Variants in MICU3 observed in about 807,000 individuals in gnomAD.
MICU3 encodes the protein calcium uptake protein 3, mitochondrial.
MICU3 carries 62 observed loss-of-function variants against 66.5 expected under a neutral mutation model. The ratio of observed to expected loss-of-function variants is 0.93; its 90% CI spans 0.76 to 1.15. The LOEUF (loss-of-function observed/expected upper bound fraction) is 1.15, where lower values mean the gene tolerates loss of function less well. Among genes scored for constraint, MICU3 ranks in the 50% most tolerant of loss-of-function variants. MICU3 has a pLI of 0.00. For synonymous variants in MICU3, 308 were observed against 240.7 expected (o/e 1.28, Z -2.59); for missense variants, 779 against 664.4 (o/e 1.17, Z -1.90).
intron 1 of MICU3, among the ~76,000 whole-genome samples, chr8:17,029,023 C>T (rs1201492830): frequency 1.3e-5 from 2 of 152,304 alleles, no homozygotes; most frequent in Middle Eastern, 3.4e-3. Context: ...TTTGGCTCCA[C>T]GACTTGCTAC....
chr8:17,094,751 G>C (rs927417344), intron 8 of MICU3, among the ~76,000 whole-genome samples: 13 of 151,958 alleles, frequency 8.6e-5, no homozygotes, highest in African/African-American at 2.9e-4. Context: ...GGCTAGTTCA[G>C]CTTGCAACAC....
chr8:17,058,657 T>C (rs1435961264), intron 1 of MICU3, among the ~76,000 whole-genome samples: 1 of 152,224 alleles, frequency 6.6e-6, no homozygotes, highest in Non-Finnish European at 1.5e-5. Flanking sequence ...CTTTTGACAC[T>C]TTGATGGTCT....
chr8:17,056,196 A>G (rs536600982), intron 1 of MICU3, among the ~76,000 whole-genome samples: 1 of 152,278 alleles, frequency 6.6e-6, no homozygotes, highest in South Asian at 2.1e-4. Context: ...TTCCCCAGGG[A>G]CTACATTTCT....
At chr8:17,072,784 C>T (rs1297398623) in intron 3 of MICU3, among the ~76,000 whole-genome samples, 1 of 152,146 alleles carries the variant, frequency 6.6e-6, no homozygotes, top group Admixed American at 6.5e-5. Flanking sequence ...TGATACGATA[C>T]TATTTGACAC....
the MICU3 span, among the ~76,000 whole-genome samples, chr8:17,128,916 A>C: frequency 6.6e-6 from 1 of 152,224 alleles, no homozygotes; most frequent in African/African-American, 2.4e-5. Flanking sequence ...CTGACTGAAT[A>C]CTAAGCTGTA....
chr8:17,123,011 C>T (rs762613201), downstream of MICU3, among the ~76,000 whole-genome samples: 32 of 151,918 alleles, frequency 2.1e-4, no homozygotes, highest in Non-Finnish European at 3.4e-4. Context: ...CTACTTATAG[C>T]CATATAGTAA....
the MICU3 span, among the ~76,000 whole-genome samples, chr8:17,136,642 C>A: frequency 6.6e-6 from 1 of 152,038 alleles, no homozygotes; most frequent in South Asian, 2.1e-4. Context: ...CCCTCCCCAC[C>A]CTGTCCAGCT....
chr8:17,028,698 ACTAT>A (rs1563255372), intron 1 of MICU3, among the ~76,000 whole-genome samples: 1 of 152,110 alleles, frequency 6.6e-6, no homozygotes, highest in East Asian at 1.9e-4. Flanking sequence ...TGCTTTATGG[ACTAT>A]CTAGCAGCAG....
chr8:17,040,033 G>A (rs564798351), intron 1 of MICU3, among the ~76,000 whole-genome samples: 5,862 of 148,268 alleles, frequency 0.04, 170 homozygotes, highest in Non-Finnish European at 0.059. Context: ...TTAGCCTCCT[G>A]AGTAGCTGGG....
rs148356873 is a variant in MICU3 at position 17,083,844 on chromosome 8, T to C, written c.695-1392T>C. Among the ~76,000 whole-genome samples the C allele has an allele frequency of 6.7e-3, 1,025 of 152,096 alleles. 4 individuals carry two copies. Among genetic ancestry groups the C allele is most frequent in the Non-Finnish European group, 0.01 (698 of 67,966 alleles). On this transcript the variant is annotated intron_variant, in intron 5 of 14. Transcript: ENST00000318063. ...TTTGACAAAACAATGATGGATCCGA[T>C]ATTAGAAGTTAAGCTAAGTACCTAA...
At chr8:17,106,683 T>G (rs1376852043) in intron 11 of MICU3, among the ~76,000 whole-genome samples, 2 of 152,102 alleles carry the variant, frequency 1.3e-5, no homozygotes, top group Non-Finnish European at 2.9e-5. Context: ...AATGATTACT[T>G]GTAGAAATGG....
At chr8:17,047,964 T>C (rs927590815) in intron 1 of MICU3, among the ~76,000 whole-genome samples, 15 of 152,176 alleles carry the variant, frequency 9.9e-5, no homozygotes, top group Non-Finnish European at 2.1e-4. Flanking sequence ...GAAGTTACAA[T>C]GAAGTGGATT....
intron 9 of MICU3, among the ~76,000 whole-genome samples, chr8:17,099,236 G>T (rs993798094): frequency 4.0e-5 from 6 of 151,662 alleles, no homozygotes; most frequent in African/African-American, 1.5e-4. Context: ...TTCTTATTAA[G>T]AATTTTTCCT....
At chr8:17,072,949 G>A (rs751679225) in intron 3 of MICU3, among the ~76,000 whole-genome samples, 3 of 151,530 alleles carry the variant, frequency 2.0e-5, no homozygotes, top group Non-Finnish European at 4.4e-5. Flanking sequence ...TGCAGTGAGT[G>A]GCACGATCTT....
At chr8:17,071,232 A>G (rs1473736444) in intron 3 of MICU3, among the ~76,000 whole-genome samples, 1 of 152,160 alleles carries the variant, frequency 6.6e-6, no homozygotes, top group African/African-American at 2.4e-5. Context: ...CTATGACAAA[A>G]TATCACAGAT....
intron 3 of MICU3, among the ~76,000 whole-genome samples, chr8:17,073,024 G>T (rs2150684872): frequency 6.6e-6 from 1 of 152,000 alleles, no homozygotes; most frequent in East Asian, 1.9e-4. Context: ...CTGAGTAGCT[G>T]GGACCACAGG....
At chr8:17,041,220 C>T (rs748189033) in intron 1 of MICU3, among the ~76,000 whole-genome samples, 6 of 150,334 alleles carry the variant, frequency 4.0e-5, no homozygotes, top group East Asian at 1.9e-4. Flanking sequence ...CTTAAAGGAC[C>T]GGCAGAGAAA....
At chr8:17,048,163 A>G (rs1232735979) in intron 1 of MICU3, among the ~76,000 whole-genome samples, 1 of 152,226 alleles carries the variant, frequency 6.6e-6, no homozygotes, top group Non-Finnish European at 1.5e-5. Flanking sequence ...GATAAAAAGC[A>G]AAACCTAGAA....
chr8:17,124,956 G>T (rs2041455590), downstream of MICU3, among the ~76,000 whole-genome samples: 1 of 151,858 alleles, frequency 6.6e-6, no homozygotes, highest in Non-Finnish European at 1.5e-5. Context: ...CTTGATAAAA[G>T]TCTTTTGCTT....
Sources: allele counts gnomAD v4.1 joint callset (sites outside exome capture counted in the v4.1 genomes callset), GRCh38; gene constraint gnomAD v4.1.1; transcripts MANE v1.5; gene names NCBI Gene and HGNC (gene_info 2026-07-23, HGNC 2026-07-21).